Variants in ATP10B observed in about 807,000 individuals in gnomAD.
ATP10B encodes ATPase phospholipid transporting 10B (putative), also known as phospholipid-transporting ATPase VB.
ATP10B carries 122 observed loss-of-function variants against 141.2 expected under a neutral mutation model. The observed-to-expected ratio is 0.86, with a 90% CI of 0.75 to 1.00. ATP10B has a LOEUF of 1.00. Ranked by LOEUF, ATP10B falls within the 50% of genes least tolerant of loss-of-function variation. ATP10B has a pLI of 0.00. For synonymous variants in ATP10B, 685 were observed against 692.0 expected, an observed-to-expected ratio of 0.99 and a Z score of 0.16; for missense variants, 1,876 against 1,825.3, an observed-to-expected ratio of 1.03 and a Z score of -0.51.
chr5:160,586,109 C>G (rs886347568), intron 24 of ATP10B, among the ~76,000 whole-genome samples: 1 of 152,134 alleles, frequency 6.6e-6, no homozygotes, highest in Non-Finnish European at 1.5e-5. Flanking sequence ...GGTATTTGTC[C>G]TAATGCTCTC....
intron 13 of ATP10B, 133 bp from the exon 14 acceptor site, chr5:160,622,718 G>A: frequency 1.2e-6 from 1 of 818,202 alleles, no homozygotes; most frequent in Non-Finnish European, 1.9e-6. Flanking sequence ...CTCTCCCACA[G>A]GTCTGGCCAT....
intron 2 of ATP10B, among the ~76,000 whole-genome samples, chr5:160,736,339 A>T (rs191192547): frequency 6.6e-6 from 1 of 152,352 alleles, no homozygotes; most frequent in East Asian, 1.9e-4. Flanking sequence ...CAAAGGTATG[A>T]TGATAAATGG....
intron 8 of ATP10B, among the ~76,000 whole-genome samples, chr5:160,646,552 T>C (rs1252913875): frequency 6.6e-6 from 1 of 152,162 alleles, no homozygotes; most frequent in Non-Finnish European, 1.5e-5. Flanking sequence ...CTGAATATGA[T>C]AAAAATCATA....
At chr5:160,856,506 GC>G (rs1301080596), upstream of ATP10B, among the ~76,000 whole-genome samples, 9 of 151,670 alleles carry the variant, frequency 5.9e-5, no homozygotes, top group African/African-American at 2.2e-4. Flanking sequence ...TTATTTTCTT[GC>G]CTTATTGCAC....
At position 160,841,258 on chromosome 5, in the gene ATP10B, C is replaced by T. The variant is rs147604310; in HGVS notation, c.-576+10683G>A. 6.6e-5 allele frequency among the ~76,000 whole-genome samples: 10 copies of T among 151,984 alleles called. No individual in the cohort carries two copies. The East Asian group carries it at 1.7e-3, about 26-fold the overall frequency. On this transcript the variant is annotated intron_variant, in intron 1 of 25. Coordinates refer to ENST00000327245, the MANE Select transcript of ATP10B (RefSeq NM_025153.3). ...AAAGAATGAGGAAGATCTCTACGAA[C>T]TGATGTAGAATGACCTCTGGGATAC...
intron 2 of ATP10B, among the ~76,000 whole-genome samples, chr5:160,761,450 G>A (rs990322149): frequency 6.6e-6 from 1 of 152,046 alleles, no homozygotes; most frequent in Non-Finnish European, 1.5e-5. Context: ...GGGCCCAGTA[G>A]CCTTGCTGGG....
chr5:160,793,286 T>TA (rs1168533657), intron 1 of ATP10B, among the ~76,000 whole-genome samples: 3 of 152,002 alleles, frequency 2.0e-5, no homozygotes, highest in Admixed American at 2.0e-4. Context: ...CTATTAACAA[T>TA]AAAATGCCTT....
intron 2 of ATP10B, among the ~76,000 whole-genome samples, chr5:160,778,758 C>T (rs750780202): frequency 3.9e-5 from 6 of 152,112 alleles, no homozygotes; most frequent in Non-Finnish European, 8.8e-5. Flanking sequence ...AATAGGGGTA[C>T]GTTGTCAAAA....
chr5:160,745,508 C>T (rs2127813322), intron 2 of ATP10B, among the ~76,000 whole-genome samples: 1 of 152,330 alleles, frequency 6.6e-6, no homozygotes. Flanking sequence ...TTGCATTCAT[C>T]CTCACTGTCC....
chr5:160,593,057 G>C (rs1184516822), intron 22 of ATP10B, among the ~76,000 whole-genome samples: 1 of 152,222 alleles, frequency 6.6e-6, no homozygotes, highest in Non-Finnish European at 1.5e-5. Flanking sequence ...GCTTTGAAGA[G>C]AGCAGTGGTT....
intron 17 of ATP10B, chr5:160,613,757 A>G (rs1401152047): frequency 6.6e-6 from 1 of 152,218 alleles, no homozygotes; most frequent in Middle Eastern, 3.2e-3. Flanking sequence ...TAATTTTTGA[A>G]GGATCTCAAG....
At chr5:160,724,285 T>C (rs1581418414) in intron 2 of ATP10B, among the ~76,000 whole-genome samples, 1 of 134,142 alleles carries the variant, frequency 7.5e-6, no homozygotes, top group Non-Finnish European at 1.6e-5. Context: ...AGAGACAGAG[T>C]CTTACTCTGT....
rs185691430 is a variant in ATP10B, at chr5:160,599,891, A to G, written c.3364-921T>C. 7.4e-3 allele frequency among the ~76,000 whole-genome samples: 1,122 copies of G among 152,336 alleles called. 19 individuals carry two copies. The highest frequency in any genetic ancestry group is 0.024 in the African/African-American group (1,010 of 41,580). On this transcript the variant is annotated intron_variant, in intron 21 of 25. Transcript: ENST00000327245. ...CTTCTCAGTTATGTGGGGCTGAGGC[A>G]CAGAGATGTGAAGGGTCTTGCAAGA...
chr5:160,644,127 C>T lies in ATP10B; in HGVS notation c.868+11G>A. The stretch of plus-strand genomic sequence containing the variant: ...GAAAATTCAGACAAAAGAAACTACC[C>T]AGACAATGACCTGCATAGATGACAA... On this transcript the variant is annotated intron_variant, in intron 9 of 25. Coordinates refer to ENST00000327245, the MANE Select transcript of ATP10B (RefSeq NM_025153.3). 6.2e-7 allele frequency: 1 copy of T among 1,610,500 alleles called. No individual in the cohort carries two copies. Among genetic ancestry groups the T allele is most frequent in the African/African-American group, 1.3e-5 (1 of 74,932 alleles).
intron 24 of ATP10B, among the ~76,000 whole-genome samples, chr5:160,584,749 A>G (rs1182957438): frequency 6.6e-6 from 1 of 152,172 alleles, no homozygotes; most frequent in African/African-American, 2.4e-5. Flanking sequence ...TTGCAGAAGT[A>G]TGTTCCTTTT....
At chr5:160,566,961 T>C (rs1053498565) in intron 25 of ATP10B, among the ~76,000 whole-genome samples, 1 of 152,194 alleles carries the variant, frequency 6.6e-6, no homozygotes, top group Non-Finnish European at 1.5e-5. Flanking sequence ...CCCCTGCCAG[T>C]GGGCAAGAGA....
At chr5:160,624,577 A>G (rs1758516119) in intron 13 of ATP10B, among the ~76,000 whole-genome samples, 1 of 152,220 alleles carries the variant, frequency 6.6e-6, no homozygotes, top group African/African-American at 2.4e-5. Flanking sequence ...ATTATTTCCA[A>G]AATCCTGAGA....
chr5:160,657,616 T>C (rs1280464033), intron 7 of ATP10B, among the ~76,000 whole-genome samples: 2 of 152,204 alleles, frequency 1.3e-5, no homozygotes, highest in African/African-American at 4.8e-5. Flanking sequence ...AAAAGTAATC[T>C]TGAGATCTTG....
chr5:160,566,883 A>T (rs1456847267), intron 25 of ATP10B, among the ~76,000 whole-genome samples: 1 of 152,186 alleles, frequency 6.6e-6, no homozygotes, highest in Non-Finnish European at 1.5e-5. Flanking sequence ...GAAGTCTTAT[A>T]AGCAGGAAGG....
Sources: allele counts gnomAD v4.1 joint callset (sites outside exome capture counted in the v4.1 genomes callset), GRCh38; gene constraint gnomAD v4.1.1; transcripts MANE v1.5; gene names NCBI Gene and HGNC (gene_info 2026-07-23, HGNC 2026-07-21).